The following C8orf34 variants were observed in gnomAD, a reference collection of about 807,000 sequenced individuals.
C8orf34 encodes uncharacterized protein C8orf34.
In C8orf34, 65 loss-of-function variants were observed where a neutral mutation model predicts 68.3. The ratio of observed to expected loss-of-function variants is 0.95; its 90% CI spans 0.78 to 1.17. The LOEUF (loss-of-function observed/expected upper bound fraction) is 1.17, where lower values mean the gene tolerates loss of function less well. C8orf34 is among the 50% of genes most tolerant of loss of function. The pLI is 0.00. For missense variants in C8orf34, 664 were observed against 655.4 expected, an observed-to-expected ratio of 1.01 and a Z score of -0.14; for synonymous variants, 244 against 241.2, an observed-to-expected ratio of 1.01 and a Z score of -0.11.
At chr8:68,378,439 G>A (rs1431102413) in intron 1 of C8orf34, among the ~76,000 whole-genome samples, 1 of 152,068 alleles carries the variant, frequency 6.6e-6, no homozygotes, top group Non-Finnish European at 1.5e-5. Context: ...TGGAACTATA[G>A]GCACATGCTA....
chr8:68,427,751 T>C (rs576593941), intron 1 of C8orf34, among the ~76,000 whole-genome samples: 169 of 152,164 alleles, frequency 1.1e-3, no homozygotes, highest in African/African-American at 3.9e-3. Flanking sequence ...TTCTTAATTT[T>C]CATATCATAT....
chr8:68,514,945 A>C (rs541093718), intron 5 of C8orf34, among the ~76,000 whole-genome samples: 2 of 152,268 alleles, frequency 1.3e-5, no homozygotes, highest in East Asian at 3.9e-4. Flanking sequence ...AGATTATGGG[A>C]ATCAGCAAAC....
At position 68,776,437 on chromosome 8, in the gene C8orf34, C is replaced by T; in HGVS notation, c.1443C>T (p.Asn481=). 6.2e-7 allele frequency: 1 copy of T among 1,613,028 alleles called. No individual in the cohort carries two copies. Among genetic ancestry groups the T allele is most frequent in the East Asian group, 2.2e-5 (1 of 44,824 alleles). ...GTGGAGTAGGACACTCACTGAAAAA[C>T]TACATGGAAGAAGTGAGTTTTAAGG... ...ASSGVGHSLK[N]YMEEDESLKQ... Residue 481 remains asparagine (N), a synonymous_variant, in exon 11 of 14, where the codon AAC becomes AAT. Coordinates refer to ENST00000518698, the MANE Select transcript of C8orf34 (RefSeq NM_052958.4).
chr8:68,773,470 G>T (rs772115310), intron 10 of C8orf34, among the ~76,000 whole-genome samples: 2 of 151,722 alleles, frequency 1.3e-5, no homozygotes, highest in East Asian at 3.9e-4. Context: ...GCATGATCTC[G>T]GCTCACTGCA....
At chr8:68,534,684 G>C in intron 7 of C8orf34, 1 of 985,378 alleles carries the variant, frequency 1.0e-6, no homozygotes, top group Non-Finnish European at 1.2e-6. Context: ...GGGCTGTTTT[G>C]CGATTGTGCT....
At chr8:68,421,008 T>C (rs929782040) in intron 1 of C8orf34, among the ~76,000 whole-genome samples, 1 of 152,062 alleles carries the variant, frequency 6.6e-6, no homozygotes, top group African/African-American at 2.4e-5. Context: ...GAAGAGATAC[T>C]AGCTGAGGAT....
intron 7 of C8orf34, among the ~76,000 whole-genome samples, chr8:68,622,296 G>A (rs1422106339): frequency 6.6e-6 from 1 of 152,186 alleles, no homozygotes; most frequent in African/African-American, 2.4e-5. Context: ...GCATTCTTCA[G>A]TTAAAAGCAA....
At chr8:68,692,217 A>C (rs1820705657) in intron 8 of C8orf34, among the ~76,000 whole-genome samples, 1 of 152,066 alleles carries the variant, frequency 6.6e-6, no homozygotes, top group African/African-American at 2.4e-5. Flanking sequence ...GAGGCAGAGA[A>C]GATTTTCTTG....
At chr8:68,647,408 A>G (rs780603555) in intron 8 of C8orf34, among the ~76,000 whole-genome samples, 7 of 152,234 alleles carry the variant, frequency 4.6e-5, no homozygotes, top group African/African-American at 1.2e-4. Flanking sequence ...AAGTCAAAAT[A>G]GAATTACTAT....
chr8:68,428,748 TG>T (rs1810332866), intron 1 of C8orf34, among the ~76,000 whole-genome samples: 1 of 152,112 alleles, frequency 6.6e-6, no homozygotes, highest in African/African-American at 2.4e-5. Flanking sequence ...GGCATAAGAC[TG>T]ACAAATAGAT....
rs1563673874 is a variant in C8orf34 at position 68,794,476 on chromosome 8, A to AATATATATATATATATATATATATAT, written c.1549+6945_1549+6946insTATATATATATATATATATATATATA. On this transcript the variant is annotated intron_variant, in intron 12 of 13. Coordinates refer to ENST00000518698, the MANE Select transcript of C8orf34 (RefSeq NM_052958.4). ...CATGAATCATTGTGCCCAGTATATA[A>AATATATATATATATATATATATATAT]ATATAAATATATATATATATATATA... 6.3e-5 allele frequency among the ~76,000 whole-genome samples: 7 copies of AATATATATATATATATATATATATAT among 111,638 alleles called. 2 individuals carry two copies. The highest frequency in any genetic ancestry group is 3.3e-4 in the African/African-American group (7 of 21,090). The allele number at this position is 111,638 out of a possible 152,430, so 73.2% of individuals were successfully genotyped here.
At chr8:68,642,569 C>T (rs2130743558) in intron 8 of C8orf34, among the ~76,000 whole-genome samples, 1 of 152,286 alleles carries the variant, frequency 6.6e-6, no homozygotes, top group Admixed American at 6.5e-5. Context: ...TAACAATAAC[C>T]AGGGTATTAG....
At chr8:68,390,377 G>A (rs919113864) in intron 1 of C8orf34, among the ~76,000 whole-genome samples, 3 of 152,136 alleles carry the variant, frequency 2.0e-5, no homozygotes, top group Non-Finnish European at 2.9e-5. Context: ...CAAAAGGGTA[G>A]TGGCCACTTG....
chr8:68,700,187 TA>T (rs1820948467), intron 8 of C8orf34, among the ~76,000 whole-genome samples: 1 of 151,926 alleles, frequency 6.6e-6, no homozygotes, highest in Non-Finnish European at 1.5e-5. Context: ...TAGAAAAGAA[TA>T]TACTAAAATA....
intron 8 of C8orf34, among the ~76,000 whole-genome samples, chr8:68,661,937 C>T (rs889360495): frequency 1.3e-5 from 2 of 151,570 alleles, no homozygotes; most frequent in Non-Finnish European, 2.9e-5. Flanking sequence ...TTTCTCTCTA[C>T]CCTCTGAAGG....
In C8orf34 at chr8:68,642,145, G is replaced by C. The variant is rs535807114; in HGVS notation, c.1241+1634G>C. On this transcript the variant is annotated intron_variant, in intron 8 of 13. Transcript: ENST00000518698. ...GCATAGGTTGACAGTCTACCTACTAGTCATTCTGCTTTATTGGTAAGCACC... is the reference window on the plus strand; with the variant it reads ...GCATAGGTTGACAGTCTACCTACTACTCATTCTGCTTTATTGGTAAGCACC... Among the ~76,000 whole-genome samples, 4 of 152,294 alleles carry C rather than the reference G, an allele frequency of 2.6e-5. No individual in the cohort carries two copies. The East Asian group carries it at 5.8e-4, about 22-fold the overall frequency.
chr8:68,566,136 G>T (rs1816581273), intron 7 of C8orf34, among the ~76,000 whole-genome samples: 1 of 151,938 alleles, frequency 6.6e-6, no homozygotes, highest in Non-Finnish European at 1.5e-5. Flanking sequence ...TTTTAATTTT[G>T]GATATAATTA....
rs185596351 is a variant in C8orf34, at chr8:68,730,844, T to C, written c.1404+9407T>C. The stretch of plus-strand genomic sequence containing the variant: ...TAGGCAAATAATACCCAAGGAGATG[T>C]ATGACAGCATGAGATCCCAGTCATG... On this transcript the variant is annotated intron_variant, in intron 10 of 13. Coordinates refer to ENST00000518698, the MANE Select transcript of C8orf34 (RefSeq NM_052958.4). 1.2e-4 allele frequency among the ~76,000 whole-genome samples: 18 copies of C among 152,192 alleles called. No homozygotes were observed. In the East Asian group the frequency reaches 2.9e-3, roughly 25 times the overall value.
chr8:68,542,869 C>A (rs1479276628), intron 7 of C8orf34, among the ~76,000 whole-genome samples: 1 of 152,058 alleles, frequency 6.6e-6, no homozygotes, highest in South Asian at 2.1e-4. Flanking sequence ...AAGTAGCAAA[C>A]CTGATTGTTC....
Sources: gnomAD v4.1 joint callset for allele counts (sites outside exome capture counted in the v4.1 genomes callset) on GRCh38, gnomAD v4.1.1 for gene constraint, MANE v1.5 for transcripts, NCBI Gene and HGNC (gene_info 2026-07-23, HGNC 2026-07-21) for gene names.